Variants in RNPEP observed in about 807,000 individuals in gnomAD.
RNPEP encodes arginyl aminopeptidase, also known as aminopeptidase B.
Under a neutral mutation model 70.1 loss-of-function variants are expected in RNPEP, and 57 were observed. The observed-to-expected ratio is 0.81, with a 90% CI of 0.66 to 1.01. The LOEUF (loss-of-function observed/expected upper bound fraction) is 1.01, where lower values mean the gene tolerates loss of function less well. Ranked by LOEUF, RNPEP falls within the 50% of genes least tolerant of loss-of-function variation. The pLI is 0.00. For synonymous variants in RNPEP, 335 were observed against 357.4 expected (o/e 0.94, Z 0.71); for missense variants, 787 against 852.4 (o/e 0.92, Z 0.96).
intron 3 of RNPEP, among the ~76,000 whole-genome samples, chr1:201,990,761 C>T (rs1214830221): frequency 2.0e-5 from 3 of 152,180 alleles, no homozygotes; most frequent in Non-Finnish European, 2.9e-5. Flanking sequence ...GACAAAGTGC[C>T]CTCCTCTTAC....
At chr1:201,996,056 C>A in intron 3 of RNPEP, 91 bp from the exon 4 acceptor site, 1 of 973,786 alleles carries the variant, frequency 1.0e-6, no homozygotes. Flanking sequence ...ATTCACTTGG[C>A]GGAGGCCAAT....
At chr1:201,983,609 G>T in intron 1 of RNPEP, 4 of 1,269,728 alleles carry the variant, frequency 3.2e-6, no homozygotes, top group Non-Finnish European at 4.1e-6. Context: ...TTGCCTTCTA[G>T]TTCCACGGTT....
intron 4 of RNPEP, 106 bp from the exon 5 acceptor site, chr1:201,997,213 T>C (rs752867875): frequency 2.4e-6 from 2 of 827,248 alleles, no homozygotes; most frequent in African/African-American, 3.3e-5. Context: ...TCTGCCTGTT[T>C]AGTGACTGCA....
intron 3 of RNPEP, among the ~76,000 whole-genome samples, chr1:201,994,682 T>C (rs1382020934): frequency 1.3e-5 from 2 of 151,518 alleles, no homozygotes; most frequent in African/African-American, 4.8e-5. Flanking sequence ...TTTTTTTTTT[T>C]TTGAAACAGA....
In RNPEP at chr1:201,997,740, T is replaced by A. The variant is rs576592852; in HGVS notation, c.1090+186T>A. On this transcript the variant is annotated intron_variant, in intron 5 of 10. Coordinates refer to ENST00000295640, the MANE Select transcript of RNPEP (RefSeq NM_020216.4). The stretch of plus-strand genomic sequence containing the variant: ...CATGGTTTGACAACTGACTTTTTTT[T>A]AAAAAAACATTTCCCCAGGTCATTA... Among the ~76,000 whole-genome samples the A allele has an allele frequency of 4.9e-4, 72 of 148,388 alleles. No individual in the cohort carries two copies. In the South Asian group the frequency reaches 0.012, roughly 24 times the overall value.
intron 5 of RNPEP, among the ~76,000 whole-genome samples, chr1:201,998,450 T>C (rs1349750598): frequency 1.3e-5 from 2 of 152,170 alleles, no homozygotes; most frequent in African/African-American, 2.4e-5. Flanking sequence ...TTCGGCATAT[T>C]GGCCAGACTG....
chr1:201,997,946 A>G (rs1347078230), intron 5 of RNPEP, among the ~76,000 whole-genome samples: 1 of 151,934 alleles, frequency 6.6e-6, no homozygotes, highest in Non-Finnish European at 1.5e-5. Context: ...TATTTTTAGA[A>G]GAGACGAGGT....
In RNPEP at chr1:201,991,468, C is replaced by G. The variant is rs534274167; in HGVS notation, c.737+1937C>G. ...GCAAGGTATGCCACCTATCCCAGTC[C>G]CTGTTACTGCAAGAGGAAAATCCTG... is the stretch of plus-strand genomic sequence containing the variant. On this transcript the variant is annotated intron_variant, in intron 3 of 10. Transcript: ENST00000295640. Among the ~76,000 whole-genome samples, 5 of 152,278 alleles carry G rather than the reference C, an allele frequency of 3.3e-5. No homozygotes were observed. The East Asian group carries it at 9.6e-4, about 29-fold the overall frequency.
rs879193957 is a variant in RNPEP, at chr1:201,996,084, A to G, written c.738-63A>G. On this transcript the variant is annotated intron_variant, in intron 3 of 10. Transcript: ENST00000295640. Reference sequence around the variant, plus strand: ...AGGCCAATTTCCTACAGGTGCTTTCAGGATCAGGTCACTGCGATGGTCTCT... The same window carrying G: ...AGGCCAATTTCCTACAGGTGCTTTCGGGATCAGGTCACTGCGATGGTCTCT... 11 of 1,338,684 alleles carry G rather than the reference A, an allele frequency of 8.2e-6. No individual in the cohort carries two copies. The South Asian group carries it at 9.8e-5, about 12-fold the overall frequency. The allele number at this position is 1,338,684 out of a possible 1,614,324, so 82.9% of individuals were successfully genotyped here.
intron 6 of RNPEP, 195 bp from the exon 7 acceptor site, chr1:202,001,176 TAAGAG>T (rs1177051991): frequency 3.4e-6 from 2 of 580,820 alleles, no homozygotes; most frequent in Non-Finnish European, 3.1e-6. Context: ...ATAGAGATCT[TAAGAG>T]AGAGAGTCTT....
rs1465306462 is a variant in RNPEP, at chr1:201,997,542, A to G, written c.1078A>G (p.Thr360Ala). 6.2e-7 allele frequency: 1 copy of G among 1,612,940 alleles called. No individual in the cohort carries two copies. Among genetic ancestry groups the G allele is most frequent in the Admixed American group, 1.7e-5 (1 of 59,986 alleles). The change falls in exon 5 of 11, where the codon ACC (threonine) becomes GCC (alanine). Residue 360 changes from threonine (T) to alanine (A), a missense_variant. By Grantham distance (58) the Thr-to-Ala change is moderately conservative. Transcript: ENST00000295640. ...CATGTACGCCCAGAGGAGGATCTCCACCATCCTCTTTGGTAAAGTGCCCAC... is the reference window on the plus strand; with the variant it reads ...CATGTACGCCCAGAGGAGGATCTCCGCCATCCTCTTTGGTAAAGTGCCCAC... ...FTMYAQRRIS[T>A]ILFGAAYTCL...
intron 5 of RNPEP, among the ~76,000 whole-genome samples, chr1:201,998,230 CTTT>C (rs34549362): frequency 2.4e-3 from 278 of 116,636 alleles, no homozygotes; most frequent in African/African-American, 5.9e-3. Flanking sequence ...TGGGTCTGAA[CTTT>C]TTTTTTTTTT....
intron 3 of RNPEP, among the ~76,000 whole-genome samples, chr1:201,995,255 G>A (rs899140463): frequency 2.0e-5 from 3 of 152,172 alleles, no homozygotes; most frequent in South Asian, 2.1e-4. Context: ...TTTTATGAGT[G>A]GATTTGTTTT....
intron 8 of RNPEP, among the ~76,000 whole-genome samples, chr1:202,002,088 A>G (rs1683842514): frequency 6.6e-6 from 1 of 152,032 alleles, no homozygotes; most frequent in African/African-American, 2.4e-5. Flanking sequence ...GCAGGAGCGG[A>G]GGCAGCACCC....
Position 202,001,458 on chromosome 1 carries a change from T to C in RNPEP, c.1287T>C (p.Gly429=). ...TTTCATACCTGGCCCACTTGGTGGG[T>C]GATCAGGATCAGTTTGACAGTTTTC... ...CFVSYLAHLV[G]DQDQFDSFLK... Residue 429 remains glycine, a synonymous_variant, in exon 7 of 11, where the codon GGT becomes GGC. Coordinates refer to ENST00000295640, the MANE Select transcript of RNPEP (RefSeq NM_020216.4). 6.2e-7 allele frequency: 1 copy of C among 1,613,350 alleles called. No homozygotes were observed. Among genetic ancestry groups the C allele is most frequent in the South Asian group, 1.1e-5 (1 of 91,058 alleles).
chr1:201,999,848 A>G (rs889194940), intron 5 of RNPEP, 54 bp from the exon 6 acceptor site: 2 of 1,408,090 alleles, frequency 1.4e-6, no homozygotes, highest in Non-Finnish European at 2.0e-6. Context: ...AGGAAAATAC[A>G]CTTGGATGTG....
At chr1:202,001,613 T>C (rs1448962225) in intron 7 of RNPEP, 46 bp from the exon 8 acceptor site, 1 of 1,498,046 alleles carries the variant, frequency 6.7e-7, no homozygotes, top group Non-Finnish European at 9.3e-7. Flanking sequence ...GGGACACCAC[T>C]CCCCACGGGG....
chr1:201,984,821 C>CTTTTTTCTTTTTCTTTTTT (rs1558257963), intron 1 of RNPEP, among the ~76,000 whole-genome samples: 5 of 121,996 alleles, frequency 4.1e-5, no homozygotes, highest in Admixed American at 8.9e-5. Flanking sequence ...GTATTTCTTT[C>CTTTTTTCTTTTTCTTTTTT]TTTTTTTTTT....
intron 10 of RNPEP, among the ~76,000 whole-genome samples, chr1:202,005,302 C>T (rs1028289464): frequency 6.6e-6 from 1 of 152,184 alleles, no homozygotes; most frequent in Non-Finnish European, 1.5e-5. Context: ...CCAACTCATT[C>T]ATTTTGTTGA....
Sources: allele counts gnomAD v4.1 joint callset (sites outside exome capture counted in the v4.1 genomes callset), GRCh38; gene constraint gnomAD v4.1.1; transcripts MANE v1.5; gene names NCBI Gene and HGNC (gene_info 2026-07-23, HGNC 2026-07-21).